Variants in LRRTM4 observed in about 807,000 individuals in gnomAD.
LRRTM4 encodes the protein leucine rich repeat transmembrane neuronal 4, also known as leucine-rich repeat transmembrane neuronal protein 4.
Under a neutral mutation model 47.6 loss-of-function variants are expected in LRRTM4, and 25 were observed. That is an observed-to-expected ratio of 0.53 (90% CI 0.38 to 0.73). The LOEUF (loss-of-function observed/expected upper bound fraction) is 0.73, where lower values mean the gene tolerates loss of function less well. LRRTM4 is among the 30% of genes least tolerant of loss of function. The pLI, the probability that LRRTM4 is intolerant of heterozygous loss-of-function variation, is 0.00. For missense variants in LRRTM4, 638 were observed against 713.4 expected, an observed-to-expected ratio of 0.89 and a Z score of 1.20; for synonymous variants, 311 against 269.5, an observed-to-expected ratio of 1.15 and a Z score of -1.51.
At chr2:77,067,663 G>A (rs922326547) in intron 3 of LRRTM4, among the ~76,000 whole-genome samples, 7 of 145,120 alleles carry the variant, frequency 4.8e-5, no homozygotes, top group Admixed American at 1.4e-4. Flanking sequence ...GAAGGATTAC[G>A]GTGATTGGTT....
intron 3 of LRRTM4, among the ~76,000 whole-genome samples, chr2:76,815,539 AAT>A (rs2103838960): frequency 6.6e-6 from 1 of 152,276 alleles, no homozygotes; most frequent in Non-Finnish European, 1.5e-5. Flanking sequence ...GGATCTGACA[AAT>A]AGTGCTATGC....
At position 77,472,676 on chromosome 2, in the gene LRRTM4, G is replaced by A. The variant is rs146395256; in HGVS notation, c.1551+45642C>T. ...AATTCAATGTTGTAGGGGCTACTGC[G>A]TGCATTCTACATTAAAGAAGCATAT... On this transcript the variant is annotated intron_variant, in intron 3 of 3. Transcript: ENST00000409884. Among the ~76,000 whole-genome samples the A allele has an allele frequency of 1.2e-3, 177 of 152,174 alleles. 3 individuals are homozygous for A. The South Asian group carries it at 0.02, about 17-fold the overall frequency.
intron 3 of LRRTM4, among the ~76,000 whole-genome samples, chr2:77,281,396 TTCTA>T (rs1676502808): frequency 6.6e-6 from 1 of 151,978 alleles, no homozygotes; most frequent in Non-Finnish European, 1.5e-5. Context: ...TAATTTGAGC[TTCTA>T]TCTATTAATA....
intron 3 of LRRTM4, among the ~76,000 whole-genome samples, chr2:77,487,065 A>G (rs1415533603): frequency 6.6e-6 from 1 of 152,234 alleles, no homozygotes; most frequent in Non-Finnish European, 1.5e-5. Flanking sequence ...AAGTAATGGC[A>G]GCAGCAGCCC....
chr2:77,045,002 A>G (rs1278695667), intron 3 of LRRTM4, among the ~76,000 whole-genome samples: 2 of 151,764 alleles, frequency 1.3e-5, no homozygotes, highest in African/African-American at 4.8e-5. Flanking sequence ...TATGATCATG[A>G]TTGGTTACCA....
At chr2:77,462,026 AAG>A (rs1215831375) in intron 3 of LRRTM4, among the ~76,000 whole-genome samples, 1 of 152,132 alleles carries the variant, frequency 6.6e-6, no homozygotes, top group Admixed American at 6.6e-5. Flanking sequence ...AGAACAACTG[AAG>A]AGTCTTTTTT....
chr2:76,798,713 T>C (rs1216179263), intron 3 of LRRTM4, among the ~76,000 whole-genome samples: 8 of 149,270 alleles, frequency 5.4e-5, no homozygotes, highest in Non-Finnish European at 7.4e-5. Flanking sequence ...GCAAGACTAA[T>C]AAAGAAGAAA....
chr2:76,895,098 G>A (rs1673369877), intron 3 of LRRTM4, among the ~76,000 whole-genome samples: 1 of 151,846 alleles, frequency 6.6e-6, no homozygotes, highest in Non-Finnish European at 1.5e-5. Flanking sequence ...AATCTTAGTA[G>A]AATAATCCCA....
chr2:76,967,336 CA>C (rs79654505), intron 3 of LRRTM4, among the ~76,000 whole-genome samples: 7,955 of 151,490 alleles, frequency 0.053, 485 homozygotes, highest in East Asian at 0.14. Context: ...CAGTCATTAT[CA>C]GTTGAGATAC....
chr2:77,311,712 G>A (rs1004099878), intron 3 of LRRTM4, among the ~76,000 whole-genome samples: 3 of 152,270 alleles, frequency 2.0e-5, no homozygotes, highest in Middle Eastern at 6.8e-3. Context: ...ACTAGAAGAA[G>A]TGAGCAATAA....
intron 3 of LRRTM4, among the ~76,000 whole-genome samples, chr2:76,778,483 T>A (rs1264548845): frequency 6.7e-6 from 1 of 148,966 alleles, no homozygotes; most frequent in South Asian, 2.1e-4. Flanking sequence ...CCTGGGTTAG[T>A]CTTGGGAGAG....
chr2:77,417,326 C>CA (rs1423731484), intron 3 of LRRTM4, among the ~76,000 whole-genome samples: 1 of 152,102 alleles, frequency 6.6e-6, no homozygotes, highest in Non-Finnish European at 1.5e-5. Flanking sequence ...TTGTGGAAGT[C>CA]AGTGTGGCGA....
chr2:76,760,840 C>G (rs2104080953), intron 3 of LRRTM4, among the ~76,000 whole-genome samples: 1 of 152,260 alleles, frequency 6.6e-6, no homozygotes, highest in South Asian at 2.1e-4. Context: ...TGCTGAAAAA[C>G]AAAACAACCC....
At chr2:77,040,350 C>T (rs147380414) in intron 3 of LRRTM4, among the ~76,000 whole-genome samples, 62 of 151,274 alleles carry the variant, frequency 4.1e-4, no homozygotes, top group African/African-American at 1.5e-3. Context: ...CACGAAATAA[C>T]TAAAAATAAA....
chr2:77,229,039 T>C (rs1186276089), intron 3 of LRRTM4, among the ~76,000 whole-genome samples: 3 of 152,028 alleles, frequency 2.0e-5, no homozygotes, highest in East Asian at 3.9e-4. Context: ...TCCTCTCTCT[T>C]TATATCACTC....
chr2:76,826,911 G>C (rs545449711), intron 3 of LRRTM4, among the ~76,000 whole-genome samples: 1 of 152,028 alleles, frequency 6.6e-6, no homozygotes, highest in African/African-American at 2.4e-5. Flanking sequence ...ACAATCATGA[G>C]AGTGGCTTCC....
intron 3 of LRRTM4, among the ~76,000 whole-genome samples, chr2:76,797,259 C>G (rs372436920): frequency 6.6e-6 from 1 of 151,992 alleles, no homozygotes; most frequent in Non-Finnish European, 1.5e-5. Flanking sequence ...AGACAAACAG[C>G]GGATCTCTCA....
chr2:76,758,747 CATTT>C (rs776994213), intron 3 of LRRTM4, among the ~76,000 whole-genome samples: 33 of 152,046 alleles, frequency 2.2e-4, no homozygotes, highest in Non-Finnish European at 4.1e-4. Flanking sequence ...CATAATAGTT[CATTT>C]ATTTATGTAT....
chr2:76,891,344 G>C (rs1050092548), intron 3 of LRRTM4, among the ~76,000 whole-genome samples: 4 of 151,650 alleles, frequency 2.6e-5, no homozygotes, highest in African/African-American at 9.7e-5. Flanking sequence ...AAATAATATA[G>C]GGAATTTCAA....
Sources: allele counts gnomAD v4.1 joint callset (sites outside exome capture counted in the v4.1 genomes callset), GRCh38; gene constraint gnomAD v4.1.1; transcripts MANE v1.5; gene names NCBI Gene and HGNC (gene_info 2026-07-23, HGNC 2026-07-21).